RAP1GDS1: variants seen among roughly 807,000 people sequenced by gnomAD.
The protein encoded by RAP1GDS1 is Rap1 GTPase-GDP dissociation stimulator 1.
A neutral mutation model predicts 71.1 loss-of-function variants in RAP1GDS1; 35 were observed. The observed-to-expected ratio is 0.49, with a 90% CI of 0.38 to 0.65. The LOEUF is 0.65. Ranked by LOEUF, RAP1GDS1 falls within the 30% of genes least tolerant of loss-of-function variation. The pLI is 0.00. For synonymous variants in RAP1GDS1, 229 were observed against 243.1 expected (o/e 0.94, Z 0.54); for missense variants, 663 against 706.1 (o/e 0.94, Z 0.69).
chr4:98,416,719 A>G (rs768128355), intron 7 of RAP1GDS1, 26 bp from the exon 8 acceptor site: 1 of 1,563,876 alleles, frequency 6.4e-7, no homozygotes, highest in Non-Finnish European at 8.8e-7. Flanking sequence ...TCAAAGTTTG[A>G]TTATTTTGTT....
At chr4:98,336,916 G>T (rs760691354) in intron 2 of RAP1GDS1, among the ~76,000 whole-genome samples, 13 of 151,542 alleles carry the variant, frequency 8.6e-5, no homozygotes, top group Admixed American at 6.6e-5. Context: ...TTTTCTTGAG[G>T]CAGAGTCTCG....
intron 4 of RAP1GDS1, among the ~76,000 whole-genome samples, chr4:98,374,194 C>A (rs1160141024): frequency 6.6e-6 from 1 of 151,954 alleles, no homozygotes; most frequent in Non-Finnish European, 1.5e-5. Context: ...CTGGGTTATC[C>A]CACTCCCACT....
chr4:98,283,081 A>C (rs550161086), intron 1 of RAP1GDS1, among the ~76,000 whole-genome samples: 1 of 152,322 alleles, frequency 6.6e-6, no homozygotes, highest in East Asian at 1.9e-4. Flanking sequence ...TTTTGACAAG[A>C]AATTCATCAG....
intron 1 of RAP1GDS1, among the ~76,000 whole-genome samples, chr4:98,291,799 C>A (rs570576753): frequency 6.6e-6 from 1 of 152,266 alleles, no homozygotes; most frequent in African/African-American, 2.4e-5. Flanking sequence ...TTGAGCCATA[C>A]ATGTCCAGTA....
intron 1 of RAP1GDS1, among the ~76,000 whole-genome samples, chr4:98,292,560 A>G (rs1727121074): frequency 6.8e-6 from 1 of 147,606 alleles, no homozygotes; most frequent in Non-Finnish European, 1.5e-5. Flanking sequence ...AACTTAAAGT[A>G]TAATAAAAGA....
Position 98,443,015 on chromosome 4 carries a change from A to ATTTTTTTTTCTTT in RAP1GDS1, c.*907_*908insCTTTTTTTTTTTT, listed in dbSNP as rs543199019. On this transcript the variant is annotated 3_prime_UTR_variant, in exon 15 of 15. Transcript: ENST00000408927. ...TGAGTATAGTTCATTGAAGAATGGA[A>ATTTTTTTTTCTTT]TTTTTTTTTTTTTTTTTTTTTTTGC... 1.0e-3 allele frequency: 142 copies of ATTTTTTTTTCTTT among 138,300 alleles called. 3 individuals are homozygous for ATTTTTTTTTCTTT. Among genetic ancestry groups the ATTTTTTTTTCTTT allele is most frequent in the African/African-American group, 2.9e-3 (73 of 25,342 alleles). The allele number at this position is 138,300 out of a possible 1,614,324, so 8.6% of individuals were successfully genotyped here.
At position 98,294,701 on chromosome 4, in the gene RAP1GDS1, A is replaced by G. The variant is rs563466396; in HGVS notation, c.112+1186A>G. Among the ~76,000 whole-genome samples, 3 of 152,260 alleles carry G rather than the reference A, an allele frequency of 2.0e-5. No individual in the cohort carries two copies. The South Asian group carries it at 6.2e-4, about 31-fold the overall frequency. ...TCCTTAGTCTCACTTCTCAGTAGTT[A>G]TATTTGGCAGATGACCACTCTCTTG... is the stretch of plus-strand genomic sequence containing the variant. On this transcript the variant is annotated intron_variant, in intron 2 of 14. Coordinates refer to ENST00000408927, the MANE Select transcript of RAP1GDS1 (RefSeq NM_001100427.2).
chr4:98,438,588 A>ATATATTT (rs1214035409), intron 14 of RAP1GDS1, among the ~76,000 whole-genome samples: 1 of 86,940 alleles, frequency 1.2e-5, no homozygotes, highest in African/African-American at 7.6e-5. Context: ...ATATATATAT[A>ATATATTT]TCTTTTTTTT....
chr4:98,420,213 G>A, intron 11 of RAP1GDS1, 69 bp downstream of exon 11: 1 of 1,313,134 alleles, frequency 7.6e-7, no homozygotes, highest in Non-Finnish European at 1.0e-6. Context: ...AGTTGAAAAA[G>A]GACTTGTTTT....
At position 98,311,963 on chromosome 4, in the gene RAP1GDS1, T is replaced by A. The variant is rs112332406; in HGVS notation, c.112+18448T>A. Among the ~76,000 whole-genome samples, 471 of 152,144 alleles carry A rather than the reference T, an allele frequency of 3.1e-3. 2 individuals carry two copies. The highest frequency in any genetic ancestry group is 0.011 in the African/African-American group (457 of 41,522). ...TTCATTTTTATGTTCTTAAAAACAA[T>A]TAGGCAGGGGACAATGAAATTGGAA... On this transcript the variant is annotated intron_variant, in intron 2 of 14. Coordinates refer to ENST00000408927, the MANE Select transcript of RAP1GDS1 (RefSeq NM_001100427.2).
intron 5 of RAP1GDS1, among the ~76,000 whole-genome samples, chr4:98,383,341 A>T (rs1381440124): frequency 6.6e-6 from 1 of 151,542 alleles, no homozygotes; most frequent in Non-Finnish European, 1.5e-5. Context: ...GAAAGGAAAA[A>T]GTATCTTCTA....
chr4:98,383,268 T>G (rs1742268478), intron 5 of RAP1GDS1, among the ~76,000 whole-genome samples: 1 of 151,568 alleles, frequency 6.6e-6, no homozygotes, highest in Non-Finnish European at 1.5e-5. Context: ...ACACTAAAGT[T>G]ACTATTTTAC....
Position 98,363,976 on chromosome 4 carries a change from G to A in RAP1GDS1, c.361+11375G>A, listed in dbSNP as rs148127432. Among the ~76,000 whole-genome samples the A allele has an allele frequency of 2.4e-3, 360 of 152,172 alleles. 1 individual carries two copies. The highest frequency in any genetic ancestry group is 4.1e-3 in the Non-Finnish European group (278 of 68,004). On this transcript the variant is annotated intron_variant, in intron 4 of 14. Coordinates refer to ENST00000408927, the MANE Select transcript of RAP1GDS1 (RefSeq NM_001100427.2). ...CTTGAGTACCTGGACAGAAGATGGG[G>A]CAATTTGCCGATGTAGGAAAGAACA...
intron 2 of RAP1GDS1, among the ~76,000 whole-genome samples, chr4:98,306,851 C>A (rs1010578419): frequency 1.3e-5 from 2 of 152,020 alleles, no homozygotes; most frequent in African/African-American, 2.4e-5. Context: ...TTTCTTACAT[C>A]GTCTAAATGC....
intron 4 of RAP1GDS1, among the ~76,000 whole-genome samples, chr4:98,360,588 A>G (rs1336644396): frequency 6.6e-6 from 1 of 151,736 alleles, no homozygotes; most frequent in Non-Finnish European, 1.5e-5. Context: ...GCTTATTGAA[A>G]CCCTGTCAAC....
At chr4:98,375,263 C>G (rs1432029504) in intron 4 of RAP1GDS1, among the ~76,000 whole-genome samples, 2 of 152,084 alleles carry the variant, frequency 1.3e-5, no homozygotes, top group Non-Finnish European at 2.9e-5. Context: ...ACATGGCATT[C>G]TCCTCTGTGC....
intron 4 of RAP1GDS1, among the ~76,000 whole-genome samples, chr4:98,378,420 A>G (rs1252561042): frequency 6.6e-6 from 1 of 151,936 alleles, no homozygotes; most frequent in East Asian, 1.9e-4. Context: ...GAATGAAAAA[A>G]GGGAACATGC....
intron 3 of RAP1GDS1, among the ~76,000 whole-genome samples, chr4:98,349,331 T>A (rs1364292985): frequency 6.6e-6 from 1 of 152,250 alleles, no homozygotes; most frequent in African/African-American, 2.4e-5. Context: ...TCTAGCTCTC[T>A]GTTTTGGTAC....
chr4:98,409,770 T>A, intron 7 of RAP1GDS1: 1 of 455,370 alleles, frequency 2.2e-6, no homozygotes, highest in Non-Finnish European at 4.4e-6. Flanking sequence ...ATAATAGGTG[T>A]TTTCAAGATA....
Sources: allele counts gnomAD v4.1 joint callset (sites outside exome capture counted in the v4.1 genomes callset), GRCh38; gene constraint gnomAD v4.1.1; transcripts MANE v1.5; gene names NCBI Gene and HGNC (gene_info 2026-07-23, HGNC 2026-07-21).